NOL10: variants seen among roughly 807,000 people sequenced by gnomAD.
The protein encoded by NOL10 is H_NH0074G24.1.
NOL10 carries 58 observed loss-of-function variants against 103.5 expected under a neutral mutation model. That is an observed-to-expected ratio of 0.56 (90% CI 0.45 to 0.70). The LOEUF is 0.70. Among genes scored for constraint, NOL10 ranks in the 30% least tolerant of loss-of-function variants. NOL10 has a pLI of 0.00. For synonymous variants in NOL10, 287 were observed against 282.5 expected (o/e 1.02, Z -0.16); for missense variants, 763 against 807.3 (o/e 0.95, Z 0.67).
Position 10,671,664 on chromosome 2 carries a change from G to GT in NOL10, c.353dup (p.Tyr118Ter). The GT allele has an allele frequency of 6.4e-7, 1 of 1,574,304 alleles. No homozygotes were observed. Among genetic ancestry groups the GT allele is most frequent in the Non-Finnish European group, 8.6e-7 (1 of 1,157,106 alleles). Residue 118 changes from tyrosine to a stop codon, truncating the protein, a stop_gained and frameshift_variant, in exon 6 of 21, where the codon TAC becomes TAAC. Transcript: ENST00000381685. LOFTEE classifies it high-confidence loss of function. ...AACCTGATTGCGAATGAAATTCAATGTATCTATCATTATGTAAGAAGACAA... is the reference window on the plus strand; with the variant it reads ...AACCTGATTGCGAATGAAATTCAATGTTATCTATCATTATGTAAGAAGACAA... ...SKIVFLHNDR[Y>*]IEFHSQSGFY...
intron 13 of NOL10, among the ~76,000 whole-genome samples, chr2:10,608,498 G>T (rs1015868760): frequency 1.4e-5 from 2 of 143,172 alleles, no homozygotes; most frequent in Non-Finnish European, 3.0e-5. Flanking sequence ...ATATGCTAGC[G>T]AAATCCTCCC....
intron 13 of NOL10, among the ~76,000 whole-genome samples, chr2:10,616,098 G>A (rs1356201316): frequency 6.6e-6 from 1 of 152,044 alleles, no homozygotes; most frequent in Admixed American, 6.6e-5. Flanking sequence ...AAAACTGGGG[G>A]ATTCTTCTCT....
intron 9 of NOL10, among the ~76,000 whole-genome samples, chr2:10,662,210 T>C (rs1195203031): frequency 2.6e-5 from 4 of 152,166 alleles, no homozygotes; most frequent in African/African-American, 9.7e-5. Flanking sequence ...TAAGTTAATA[T>C]ATGTAAAGAA....
At chr2:10,644,942 C>T (rs1678951457) in intron 12 of NOL10, among the ~76,000 whole-genome samples, 1 of 152,168 alleles carries the variant, frequency 6.6e-6, no homozygotes, top group Non-Finnish European at 1.5e-5. Flanking sequence ...TACTCCTTCC[C>T]CACAAGTGTT....
chr2:10,681,744 GAACA>G (rs1008304770), intron 3 of NOL10, among the ~76,000 whole-genome samples: 1 of 152,106 alleles, frequency 6.6e-6, no homozygotes, highest in Non-Finnish European at 1.5e-5. Context: ...ACTGATACAT[GAACA>G]AAGAGACAGA....
intron 9 of NOL10, among the ~76,000 whole-genome samples, chr2:10,660,825 C>A (rs1294839259): frequency 1.3e-5 from 2 of 151,804 alleles, no homozygotes. Flanking sequence ...CTGGAAATGA[C>A]AGCCTGCTTC....
intron 13 of NOL10, among the ~76,000 whole-genome samples, chr2:10,615,917 C>T (rs1676809008): frequency 6.6e-6 from 1 of 152,106 alleles, no homozygotes; most frequent in Non-Finnish European, 1.5e-5. Context: ...GGGAGTATGC[C>T]ACCAGGCACA....
intron 13 of NOL10, among the ~76,000 whole-genome samples, chr2:10,641,218 C>T (rs1678678613): frequency 1.3e-5 from 2 of 151,620 alleles, no homozygotes; most frequent in Non-Finnish European, 2.9e-5. Context: ...TGGCACATGC[C>T]TGTAATCCCA....
At chr2:10,633,130 T>G (rs964079209) in intron 13 of NOL10, among the ~76,000 whole-genome samples, 1 of 152,184 alleles carries the variant, frequency 6.6e-6, no homozygotes, top group African/African-American at 2.4e-5. Flanking sequence ...TGTAACATAC[T>G]TGGGCTCCTG....
In NOL10 at chr2:10,663,913, T is replaced by C. The variant is rs561393355; in HGVS notation, c.592-869A>G. ...TTGCAGTGAGCCGAGATCGCACCAC[T>C]GCACTCCAGCCTGGGCGACAGAGCG... On this transcript the variant is annotated intron_variant, in intron 8 of 20. Transcript: ENST00000381685. Among the ~76,000 whole-genome samples, 29 of 147,326 alleles carry C rather than the reference T, an allele frequency of 2.0e-4. 1 individual carries two copies. In the South Asian group the frequency reaches 5.4e-3, roughly 28 times the overall value.
chr2:10,587,256 TACACATATATATATATA>T (rs1675150630), intron 19 of NOL10, among the ~76,000 whole-genome samples: 1 of 35,542 alleles, frequency 2.8e-5, no homozygotes, highest in Admixed American at 3.5e-4. Context: ...TATATATATA[TACACATATATATATATA>T]TATTTTTTTT....
In NOL10 at chr2:10,689,939, G is replaced by A. The variant is rs115046379; in HGVS notation, c.-78C>T. On this transcript the variant is annotated 5_prime_UTR_variant, in exon 1 of 21. Transcript: ENST00000381685. Reference sequence around the variant, plus strand: ...AGCACCGTAATCCCGGGACCTCCGAGCCCCTGCTCCGCGGCGTGCGGCCGC... The same window carrying A: ...AGCACCGTAATCCCGGGACCTCCGAACCCCTGCTCCGCGGCGTGCGGCCGC... The A allele has an allele frequency of 2.2e-3, 3,080 of 1,385,870 alleles. 47 individuals carry two copies. The African/African-American group carries it at 0.036, about 16-fold the overall frequency. The allele number at this position is 1,385,870 out of a possible 1,614,324, so 85.8% of individuals were successfully genotyped here.
At chr2:10,660,261 T>C (rs1232711926) in intron 9 of NOL10, among the ~76,000 whole-genome samples, 1 of 152,212 alleles carries the variant, frequency 6.6e-6, no homozygotes, top group African/African-American at 2.4e-5. Flanking sequence ...CAAAGTATAC[T>C]TAATCATTTC....
At chr2:10,669,689 C>T (rs987351966) in intron 6 of NOL10, among the ~76,000 whole-genome samples, 1 of 150,610 alleles carries the variant, frequency 6.6e-6, no homozygotes, top group Non-Finnish European at 1.5e-5. Flanking sequence ...GTCAAGAGAC[C>T]GAGACCATCC....
intron 8 of NOL10, 56 bp from the exon 9 acceptor site, chr2:10,663,100 C>A: frequency 7.1e-7 from 1 of 1,417,342 alleles, no homozygotes. Flanking sequence ...GGCATGGTGG[C>A]TCATGCCTGT....
chr2:10,611,402 T>C (rs1676559786), intron 13 of NOL10, among the ~76,000 whole-genome samples: 1 of 152,222 alleles, frequency 6.6e-6, no homozygotes, highest in South Asian at 2.1e-4. Context: ...ATGATTACAA[T>C]TTGTCTTTAA....
intron 10 of NOL10, among the ~76,000 whole-genome samples, chr2:10,658,258 T>C (rs1003278057): frequency 6.6e-6 from 1 of 152,076 alleles, no homozygotes; most frequent in Non-Finnish European, 1.5e-5. Flanking sequence ...TCAGGAACAG[T>C]CCTAGTAGAT....
chr2:10,581,753 C>T (rs1312306756), intron 19 of NOL10, among the ~76,000 whole-genome samples: 1 of 152,086 alleles, frequency 6.6e-6, no homozygotes, highest in East Asian at 1.9e-4. Flanking sequence ...CCCAGCAGGT[C>T]GAGGCTGCAG....
chr2:10,651,355 C>A (rs1034947139), intron 12 of NOL10, among the ~76,000 whole-genome samples: 1 of 152,160 alleles, frequency 6.6e-6, no homozygotes, highest in Non-Finnish European at 1.5e-5. Context: ...TAGACCAGCA[C>A]TGTCCAATGG....
Sources: allele counts gnomAD v4.1 joint callset (sites outside exome capture counted in the v4.1 genomes callset), GRCh38; gene constraint gnomAD v4.1.1; transcripts MANE v1.5; gene names NCBI Gene and HGNC (gene_info 2026-07-23, HGNC 2026-07-21).